TMEM14B: variants seen among roughly 807,000 people sequenced by gnomAD.
The protein encoded by TMEM14B is transmembrane protein 14B.
A neutral mutation model predicts 14.8 loss-of-function variants in TMEM14B; 9 were observed. That is an observed-to-expected ratio of 0.61 (90% CI 0.37 to 1.06). The LOEUF (loss-of-function observed/expected upper bound fraction) is 1.06. Ranked by LOEUF, TMEM14B falls within the 50% of genes least tolerant of loss-of-function variation. The probability of loss-of-function intolerance (pLI) is 0.01; values close to 1 mark genes in which losing one functional copy is unlikely to be tolerated. For synonymous variants in TMEM14B, 40 were observed against 51.3 expected (o/e 0.78, Z 0.94); for missense variants, 128 against 143.6 (o/e 0.89, Z 0.56).
chr6:10,753,787 G>C (rs1437882605), intron 4 of TMEM14B, among the ~76,000 whole-genome samples: 1 of 151,162 alleles, frequency 6.6e-6, no homozygotes, highest in African/African-American at 2.5e-5. Flanking sequence ...TTCATCAGCA[G>C]GTCTTGTCGA....
intron 5 of TMEM14B, among the ~76,000 whole-genome samples, chr6:10,756,256 T>C (rs1187775116): frequency 6.6e-6 from 1 of 152,196 alleles, no homozygotes; most frequent in Non-Finnish European, 1.5e-5. Context: ...ATCTAGCTCA[T>C]GTGTGCTATT....
chr6:10,749,139 C>T (rs1485162377), intron 1 of TMEM14B, 63 bp from the exon 2 acceptor site: 1 of 1,163,494 alleles, frequency 8.6e-7, no homozygotes, highest in African/African-American at 1.5e-5. Flanking sequence ...GTTGGACACA[C>T]TTCTTTCTGA....
In TMEM14B at chr6:10,756,858, G is replaced by A; in HGVS notation, c.*340G>A. ...ACCCCATTCCCTGCTCAGAGGAACA[G>A]TGTGAAAAAAAATCTCTTGAGAGAT... On this transcript the variant is annotated 3_prime_UTR_variant, in exon 6 of 6. Coordinates refer to ENST00000379542, the MANE Select transcript of TMEM14B (RefSeq NM_030969.5). 1.0e-6 allele frequency: 1 copy of A among 997,366 alleles called. No homozygotes were observed. The highest frequency in any genetic ancestry group is 1.2e-6 in the Non-Finnish European group (1 of 838,088). The allele number at this position is 997,366 out of a possible 1,614,324, so 61.8% of individuals were successfully genotyped here. A position where few individuals can be genotyped will look rare whatever the true frequency, so the allele number is the denominator to read the frequency against.
chr6:10,756,374 G>A, intron 5 of TMEM14B, 93 bp from the exon 6 acceptor site: 2 of 1,454,498 alleles, frequency 1.4e-6, no homozygotes, highest in Non-Finnish European at 1.9e-6. Context: ...CCCCCACACA[G>A]TTGTGAGGAA....
At position 10,756,548 on chromosome 6, in the gene TMEM14B, A is replaced by G. The variant is rs1771808922; in HGVS notation, c.*30A>G. ...AGTCATGTTCCAGCTTGGACTCATG[A>G]AGGATTAAAAATCTGCATCTTCCAC... On this transcript the variant is annotated 3_prime_UTR_variant, in exon 6 of 6. Coordinates refer to ENST00000379542, the MANE Select transcript of TMEM14B (RefSeq NM_030969.5). 2 of 1,603,626 alleles carry G rather than the reference A, an allele frequency of 1.2e-6. No homozygotes were observed. The highest frequency in any genetic ancestry group is 2.3e-5 in the South Asian group (2 of 88,684).
downstream of TMEM14B, among the ~76,000 whole-genome samples, chr6:10,758,325 C>G (rs1316183711): frequency 6.6e-6 from 1 of 152,174 alleles, no homozygotes; most frequent in African/African-American, 2.4e-5. Context: ...CCTGGCTCCT[C>G]ATGAATGACA....
intron 3 of TMEM14B, among the ~76,000 whole-genome samples, chr6:10,750,437 G>GT (rs1175991747): frequency 1.8e-5 from 2 of 111,954 alleles, no homozygotes; most frequent in African/African-American, 3.7e-5. Flanking sequence ...TTAGAATGGG[G>GT]TGGGGGGGGG....
intron 1 of TMEM14B, among the ~76,000 whole-genome samples, chr6:10,748,195 G>A (rs1771403470): frequency 6.6e-6 from 1 of 151,942 alleles, no homozygotes; most frequent in South Asian, 2.1e-4. Context: ...AAGAACTGTG[G>A]GCAAGATCCC....
At chr6:10,753,579 C>T (rs1208093848) in intron 4 of TMEM14B, among the ~76,000 whole-genome samples, 1 of 151,774 alleles carries the variant, frequency 6.6e-6, no homozygotes, top group Admixed American at 6.6e-5. Context: ...CTTTAATTTC[C>T]ACCGATACAC....
chr6:10,747,790 G>C (rs1254519917), upstream of TMEM14B: 5 of 152,594 alleles, frequency 3.3e-5, no homozygotes, highest in Admixed American at 2.0e-4. Flanking sequence ...CGGCCCCGGG[G>C]CGCAGCGCGC....
chr6:10,750,131 A>T, intron 3 of TMEM14B: 1 of 174,134 alleles, frequency 5.7e-6, no homozygotes, highest in Non-Finnish European at 1.2e-5. Context: ...CTGCATTCCC[A>T]CCCCAATCCC....
downstream of TMEM14B, among the ~76,000 whole-genome samples, chr6:10,757,914 C>T (rs1771859853): frequency 6.6e-6 from 1 of 151,764 alleles, no homozygotes; most frequent in Non-Finnish European, 1.5e-5. Flanking sequence ...TTGCTTGAAC[C>T]CAGGAGGCTG....
intron 4 of TMEM14B, among the ~76,000 whole-genome samples, chr6:10,751,844 C>CGGACAGTGA (rs1234236627): frequency 6.6e-6 from 1 of 152,078 alleles, no homozygotes; most frequent in Non-Finnish European, 1.5e-5. Flanking sequence ...GTGAGCAGCA[C>CGGACAGTGA]GGACAGTGAG....
At chr6:10,749,512 C>T (rs1771465841) in intron 2 of TMEM14B, 110 bp from the exon 3 acceptor site, 4 of 1,318,594 alleles carry the variant, frequency 3.0e-6, no homozygotes, top group East Asian at 2.3e-5. Context: ...CCTGTGGGCA[C>T]ATAGGACCTG....
At chr6:10,751,096 T>G in intron 3 of TMEM14B, 37 bp from the exon 4 acceptor site, 2 of 1,611,442 alleles carry the variant, frequency 1.2e-6, no homozygotes, top group Non-Finnish European at 1.7e-6. Flanking sequence ...AATAAGTGCC[T>G]GACATTACAA....
rs776913086 is a variant in TMEM14B at position 10,749,669 on chromosome 6, C to T, written c.71C>T (p.Ser24Phe). The stretch of plus-strand genomic sequence containing the variant: ...TTTGGCTACACAGCACTGGTTGTTT[C>T]TGGTGGGATCGTTGGCTATGTAAAA... Reference protein sequence around the residue: ...FGFGYTALVVSGGIVGYVKTG... With the variant: ...FGFGYTALVVFGGIVGYVKTG... Residue 24 changes from serine to phenylalanine, a missense_variant, in exon 3 of 6, where the codon TCT becomes TTT. Ser to Phe is a radical substitution (Grantham distance 155). Coordinates refer to ENST00000379542, the MANE Select transcript of TMEM14B (RefSeq NM_030969.5). The T allele has an allele frequency of 3.8e-5, 62 of 1,614,100 alleles. 1 individual carries two copies. The South Asian group carries it at 6.6e-4, about 17-fold the overall frequency.
intron 4 of TMEM14B, among the ~76,000 whole-genome samples, chr6:10,753,269 A>G (rs1448712214): frequency 6.6e-6 from 1 of 152,022 alleles, no homozygotes; most frequent in Non-Finnish European, 1.5e-5. Flanking sequence ...CTCCTCTCCC[A>G]TCACACATGA....
chr6:10,756,649 A>G lies in TMEM14B; in HGVS notation c.*131A>G. 1 of 1,418,812 alleles carries G rather than the reference A, an allele frequency of 7.0e-7. No homozygotes were observed. The highest frequency in any genetic ancestry group is 9.2e-7 in the Non-Finnish European group (1 of 1,086,874). The allele number at this position is 1,418,812 out of a possible 1,614,324, so 87.9% of individuals were successfully genotyped here. On this transcript the variant is annotated 3_prime_UTR_variant, in exon 6 of 6. Coordinates refer to ENST00000379542, the MANE Select transcript of TMEM14B (RefSeq NM_030969.5). ...TTTACCTAAAAAAAAAAAGACACCAAATTTGGCGGAGGGGTGGAAAATCAG... is the reference window on the plus strand; with the variant it reads ...TTTACCTAAAAAAAAAAAGACACCAGATTTGGCGGAGGGGTGGAAAATCAG...
intron 1 of TMEM14B, 66 bp downstream of exon 1, chr6:10,747,947 T>C (rs190041038): frequency 6.6e-6 from 1 of 152,424 alleles, no homozygotes; most frequent in East Asian, 1.9e-4. Flanking sequence ...AGGGATTATT[T>C]AGGAGTTTCA....
Sources: gnomAD v4.1 joint callset for allele counts (sites outside exome capture counted in the v4.1 genomes callset) on GRCh38, gnomAD v4.1.1 for gene constraint, MANE v1.5 for transcripts, NCBI Gene and HGNC (gene_info 2026-07-23, HGNC 2026-07-21) for gene names.